INPPL1: variants seen among roughly 807,000 people sequenced by gnomAD.
INPPL1 encodes phosphatidylinositol 3,4,5-trisphosphate 5-phosphatase 2.
A neutral mutation model predicts 139.3 loss-of-function variants in INPPL1; 91 were observed. The ratio of observed to expected loss-of-function variants is 0.65; its 90% CI spans 0.55 to 0.78. INPPL1 has a LOEUF of 0.78. Ranked by LOEUF, INPPL1 falls within the 30% of genes least tolerant of loss-of-function variation. The pLI is 0.00. For synonymous variants in INPPL1, 719 were observed against 686.6 expected, an observed-to-expected ratio of 1.05 and a Z score of -0.74; for missense variants, 1,411 against 1,665.6, an observed-to-expected ratio of 0.85 and a Z score of 2.66.
Position 72,235,080 on chromosome 11 carries a change from G to A in INPPL1, c.2416-36G>A. On this transcript the variant is annotated intron_variant, in intron 21 of 27. Transcript: ENST00000298229. This position sits in a 1 kb window ranked among gnomAD's most constrained non-coding sequence, Gnocchi z 4.9. The stretch of plus-strand genomic sequence containing the variant: ...GTAGGAGGGGCAGGAGGAAGTGGCG[G>A]GGCTTTGTTCCTCACTGGGCCTCCC... 7 of 1,557,652 alleles carry A rather than the reference G, an allele frequency of 4.5e-6. No homozygotes were observed. Among genetic ancestry groups the A allele is most frequent in the Non-Finnish European group, 6.2e-6 (7 of 1,135,386 alleles).
intron 25 of INPPL1, 30 bp downstream of exon 25, chr11:72,236,016 C>CA: frequency 7.7e-7 from 1 of 1,297,288 alleles, no homozygotes; most frequent in Non-Finnish European, 1.1e-6. Context: ...ACCGCCCCCC[C>CA]TTCCCCCACC....
Position 72,229,150 on chromosome 11 carries a change from C to G in INPPL1, c.579C>G (p.Asp193Glu). Residue 193 changes from aspartate to glutamate, a missense_variant, in exon 5 of 28, where the codon GAC becomes GAG. By Grantham distance (45) the Asp-to-Glu change is conservative (BLOSUM62 2). This residue lies in a region of INPPL1 where 504 missense variants were observed against 595.6 expected (regional missense o/e 0.85). Transcript: ENST00000298229. ...ACCTGAAAGGCAGCTATGGGCTGGA[C>G]CTGGAAGCTGTGAGGGGTGGAGCCA... is the stretch of plus-strand genomic sequence containing the variant. Reference protein sequence around the residue: ...HDYLKGSYGLDLEAVRGGASH... With the variant: ...HDYLKGSYGLELEAVRGGASH... 7 of 1,613,954 alleles carry G rather than the reference C, an allele frequency of 4.3e-6. No individual in the cohort carries two copies. Among genetic ancestry groups the G allele is most frequent in the Non-Finnish European group, 5.9e-6 (7 of 1,179,974 alleles).
chr11:72,228,798 A>C lies in INPPL1; in HGVS notation c.469A>C (p.Ser157Arg). Residue 157 changes from serine (S) to arginine (R), a missense_variant, in exon 4 of 28, where the codon AGC becomes CGC. Physicochemically the swap from Ser to Arg is moderately radical, Grantham distance 110. Coordinates refer to ENST00000298229, the MANE Select transcript of INPPL1 (RefSeq NM_001567.4). The surrounding 1 kb of genome is among the most constrained non-coding windows in gnomAD (Gnocchi z 5.0). The stretch of plus-strand genomic sequence containing the variant: ...CAGCATTTCTGCCCCCACTGGGCCC[A>C]GCAGTCCCCTGCCAGCTCCTGAGAC... Reference protein sequence around the residue: ...STSISAPTGPSSPLPAPETPT... With the variant: ...STSISAPTGPRSPLPAPETPT... 6.2e-7 allele frequency: 1 copy of C among 1,612,904 alleles called. No homozygotes were observed. The highest frequency in any genetic ancestry group is 8.5e-7 in the Non-Finnish European group (1 of 1,179,434).
rs1948785419 is a variant in INPPL1, at chr11:72,229,991, C to T, written c.911C>T (p.Ala304Val). ...GCTCCGCAGCCATCCACACGTAAGG[C>T]CAAGACCATCCCCGTGCAGGCCTTT... ...PPAPQPSTRK[A>V]KTIPVQAFEV... The change falls in exon 8 of 28, where the codon GCC (alanine) becomes GTC (valine). Residue 304 changes from alanine to valine, a missense_variant. This residue lies in a region of INPPL1 where 504 missense variants were observed against 595.6 expected (regional missense o/e 0.85). Transcript: ENST00000298229. 4 of 1,614,228 alleles carry T rather than the reference C, an allele frequency of 2.5e-6. No individual in the cohort carries two copies. Among genetic ancestry groups the T allele is most frequent in the Non-Finnish European group, 3.4e-6 (4 of 1,180,038 alleles).
At position 72,229,654 on chromosome 11, in the gene INPPL1, TC is replaced by T. The variant is rs775043885; in HGVS notation, c.754-3del. On this transcript the variant is annotated splice_polypyrimidine_tract_variant and splice_region_variant and intron_variant, in intron 6 of 27. Coordinates refer to ENST00000298229, the MANE Select transcript of INPPL1 (RefSeq NM_001567.4). ...ACTCATGTACAAGCCTGGTTCTTCC[TC>T]CCCCCAGAACCTGCCACAGACAGGG... The T allele has an allele frequency of 5.6e-6, 9 of 1,612,902 alleles. No individual in the cohort carries two copies. Among genetic ancestry groups the T allele is most frequent in the Non-Finnish European group, 7.6e-6 (9 of 1,179,520 alleles).
rs749097157 is a variant in INPPL1 at position 72,228,443 on chromosome 11, T to G, written c.342T>G (p.Leu114=). The G allele has an allele frequency of 3.1e-6, 5 of 1,612,320 alleles. No homozygotes were observed. Among genetic ancestry groups the G allele is most frequent in the Admixed American group, 1.7e-5 (1 of 60,014 alleles). Reference sequence around the variant, plus strand: ...ACCAGGGCCTTGTGTGCGCCCTGCTTCTTCCTGTAGAGGGTGAGCGAGAGC... The same window carrying G: ...ACCAGGGCCTTGTGTGCGCCCTGCTGCTTCCTGTAGAGGGTGAGCGAGAGC... ...QPNQGLVCAL[L]LPVEGEREPD... The change falls in exon 3 of 28, where the codon CTT becomes CTG. Residue 114 remains leucine (L), a synonymous_variant. Transcript: ENST00000298229. The surrounding 1 kb of genome is among the most constrained non-coding windows in gnomAD (Gnocchi z 5.0).
In INPPL1 at chr11:72,234,732, A is replaced by AGAGAGAGTGTGTGTGT. The variant is rs746371096; in HGVS notation, c.2415+118_2415+119insAGAGAGTGTGTGTGTG. 1.5e-5 allele frequency: 8 copies of AGAGAGAGTGTGTGTGT among 528,412 alleles called. No homozygotes were observed. The African/African-American group carries it at 1.6e-4, about 11-fold the overall frequency. The allele number at this position is 528,412 out of a possible 1,614,324, so 32.7% of individuals were successfully genotyped here. ...GGGGCCAGCAGAGAGAGAGAGAGAG[A>AGAGAGAGTGTGTGTGT]GTGTGTGTGTGTGTGTGTGTGTGTG... is the stretch of plus-strand genomic sequence containing the variant. On this transcript the variant is annotated intron_variant, in intron 21 of 27. Transcript: ENST00000298229. The surrounding 1 kb of genome is among the most constrained non-coding windows in gnomAD (Gnocchi z 4.2).
At chr11:72,230,565 C>T in intron 10 of INPPL1, 97 bp downstream of exon 10, 1 of 1,191,208 alleles carries the variant, frequency 8.4e-7, no homozygotes, top group South Asian at 1.3e-5. Flanking sequence ...ATGATGTAGG[C>T]ATGCCATCCC....
intron 1 of INPPL1, chr11:72,227,981 GTGT>G (rs1484464766): frequency 4.4e-6 from 2 of 459,140 alleles, no homozygotes; most frequent in African/African-American, 4.2e-5. Context: ...GGAGACGGGG[GTGT>G]TCTGGTCATT....
At position 72,234,178 on chromosome 11, in the gene INPPL1, TG is replaced by T; in HGVS notation, c.2213-102del. ...GAGGCCCCTCCTGGCCCTGCCTCCT[TG>T]CTCTGGACCCCTGATTTCCTGTCCC... On this transcript the variant is annotated intron_variant, in intron 19 of 27. Transcript: ENST00000298229. The surrounding 1 kb of genome is among the most constrained non-coding windows in gnomAD (Gnocchi z 4.2). 2 of 886,324 alleles carry T rather than the reference TG, an allele frequency of 2.3e-6. No homozygotes were observed. Among genetic ancestry groups the T allele is most frequent in the Non-Finnish European group, 3.7e-6 (2 of 546,666 alleles). The allele number at this position is 886,324 out of a possible 1,614,324, so 54.9% of individuals were successfully genotyped here.
At chr11:72,227,985 T>A in intron 1 of INPPL1, 1 of 452,562 alleles carries the variant, frequency 2.2e-6, no homozygotes, top group Non-Finnish European at 3.9e-6. Context: ...ACGGGGGTGT[T>A]CTGGTCATTC....
At position 72,235,872 on chromosome 11, in the gene INPPL1, C is replaced by G. The variant is rs935194728; in HGVS notation, c.2765C>G (p.Thr922Arg). The G allele has an allele frequency of 1.4e-5, 22 of 1,613,082 alleles. No individual in the cohort carries two copies. Among genetic ancestry groups the G allele is most frequent in the Non-Finnish European group, 1.9e-5 (22 of 1,179,694 alleles). ...PRSGSRKPAF[T>R]EASCPLSRLF... ...TCAGGGAGCCGCAAGCCAGCCTTCACAGAGGCCTCCTGCCCGCTCTCCAGG... is the reference window on the plus strand; with the variant it reads ...TCAGGGAGCCGCAAGCCAGCCTTCAGAGAGGCCTCCTGCCCGCTCTCCAGG... The change falls in exon 25 of 28, where the codon ACA (threonine) becomes AGA (arginine). Residue 922 changes from threonine to arginine, a missense_variant. Physicochemically the swap from Thr to Arg is moderately conservative, Grantham distance 71. This residue lies in a region of INPPL1 where 99 missense variants were observed against 171.6 expected (regional missense o/e 0.58). Coordinates refer to ENST00000298229, the MANE Select transcript of INPPL1 (RefSeq NM_001567.4). This position sits in a 1 kb window ranked among gnomAD's most constrained non-coding sequence, Gnocchi z 4.9.
intron 25 of INPPL1, among the ~76,000 whole-genome samples, chr11:72,236,231 G>A (rs1948987612): frequency 6.6e-6 from 1 of 152,222 alleles, no homozygotes. Context: ...ATGCGAAATT[G>A]TTTCTAAGAC....
In INPPL1 at chr11:72,238,598, C is replaced by G; in HGVS notation, c.*245C>G. On this transcript the variant is annotated 3_prime_UTR_variant, in exon 28 of 28. Coordinates refer to ENST00000298229, the MANE Select transcript of INPPL1 (RefSeq NM_001567.4). ...GTCAGTTGCCATGGTTACCGAGGAC[C>G]CTGGTTACTCTGGTGCTGTCCTGTT... is the stretch of plus-strand genomic sequence containing the variant. The G allele has an allele frequency of 2.7e-6, 1 of 374,994 alleles. No individual in the cohort carries two copies. The highest frequency in any genetic ancestry group is 4.8e-6 in the Non-Finnish European group (1 of 210,050). The allele number at this position is 374,994 out of a possible 1,614,324, so 23.2% of individuals were successfully genotyped here.
chr11:72,238,509 C>G lies in INPPL1; in HGVS notation c.*156C>G, dbSNP rs1949067524. On this transcript the variant is annotated 3_prime_UTR_variant, in exon 28 of 28. Transcript: ENST00000298229. Reference sequence around the variant, plus strand: ...ATTGGGGATCTGCATTCCCCGCTGCCCAATCATTTGCAATGCCCTAATTAG... The same window carrying G: ...ATTGGGGATCTGCATTCCCCGCTGCGCAATCATTTGCAATGCCCTAATTAG... 1 of 585,036 alleles carries G rather than the reference C, an allele frequency of 1.7e-6. No individual in the cohort carries two copies. The highest frequency in any genetic ancestry group is 3.0e-5 in the South Asian group (1 of 33,288). 36.2% of individuals were successfully genotyped at this position (585,036 alleles called of 1,614,324 possible).
In INPPL1 at chr11:72,228,749, G is replaced by A. The variant is rs778834790; in HGVS notation, c.420G>A (p.Pro140=). Reference sequence around the variant, plus strand: ...CAGATGGGGAGGATGAGAAGCCCCCGCTGCCCCCGCGCTCTGGCTCCACCA... The same window carrying A: ...CAGATGGGGAGGATGAGAAGCCCCCACTGCCCCCGCGCTCTGGCTCCACCA... ...DASDGEDEKP[P]LPPRSGSTSI... is the part of the protein sequence containing the mutation. Residue 140 remains proline, a synonymous_variant, in exon 4 of 28, where the codon CCG becomes CCA. Coordinates refer to ENST00000298229, the MANE Select transcript of INPPL1 (RefSeq NM_001567.4). This position sits in a 1 kb window ranked among gnomAD's most constrained non-coding sequence, Gnocchi z 5.0. The A allele has an allele frequency of 1.1e-5, 17 of 1,607,376 alleles. No homozygotes were observed. Among genetic ancestry groups the A allele is most frequent in the East Asian group, 2.2e-5 (1 of 44,864 alleles).
Position 72,235,862 on chromosome 11 carries a change from C to T in INPPL1, c.2755C>T (p.Pro919Ser). The T allele has an allele frequency of 6.2e-7, 1 of 1,612,812 alleles. No homozygotes were observed. Among genetic ancestry groups the T allele is most frequent in the Non-Finnish European group, 8.5e-7 (1 of 1,179,448 alleles). The change falls in exon 25 of 28, where the codon CCA becomes TCA. Residue 919 changes from proline (P) to serine (S), a missense_variant. Physicochemically the swap from Pro to Ser is moderately conservative, Grantham distance 74. Transcript: ENST00000298229. The surrounding 1 kb of genome is among the most constrained non-coding windows in gnomAD (Gnocchi z 4.9). ...SQEPRSGSRKPAFTEASCPLS... is the reference protein window; with the variant it reads ...SQEPRSGSRKSAFTEASCPLS... ...CCCTGGCAGGTCAGGGAGCCGCAAG[C>T]CAGCCTTCACAGAGGCCTCCTGCCC...
chr11:72,229,825 C>G, intron 7 of INPPL1, 73 bp downstream of exon 7: 1 of 1,557,374 alleles, frequency 6.4e-7, no homozygotes, highest in Non-Finnish European at 8.8e-7. Flanking sequence ...TCTCAACCCT[C>G]AGTCTACAAC....
rs1402988676 is a variant in INPPL1, at chr11:72,234,920, G to A, written c.2416-196G>A. On this transcript the variant is annotated intron_variant, in intron 21 of 27. Coordinates refer to ENST00000298229, the MANE Select transcript of INPPL1 (RefSeq NM_001567.4). This position sits in a 1 kb window ranked among gnomAD's most constrained non-coding sequence, Gnocchi z 4.2. ...ATTGAGAAAATTAATTAGTTACAGT[G>A]ATGCTAGGTGCTGTAAAAGGCCTGT... Among the ~76,000 whole-genome samples, 1 of 152,128 alleles carries A rather than the reference G, an allele frequency of 6.6e-6. No individual in the cohort carries two copies. Among genetic ancestry groups the A allele is most frequent in the Non-Finnish European group, 1.5e-5 (1 of 68,022 alleles).
Sources: gnomAD v4.1 joint callset for allele counts (sites outside exome capture counted in the v4.1 genomes callset) on GRCh38, gnomAD v4.1.1 for gene constraint, gnomAD v4.1.1 regional missense constraint, Gnocchi (gnomAD v3.1) non-coding constraint, MANE v1.5 for transcripts, NCBI Gene and HGNC (gene_info 2026-07-23, HGNC 2026-07-21) for gene names.